SLC38A7: variants seen among roughly 807,000 people sequenced by gnomAD.
The protein encoded by SLC38A7 is sodium-coupled neutral amino acid transporter 7.
SLC38A7 carries 29 observed loss-of-function variants against 50.1 expected under a neutral mutation model. That is an observed-to-expected ratio of 0.58 (90% confidence interval 0.43 to 0.79). The LOEUF (loss-of-function observed/expected upper bound fraction) is 0.79. Ranked by LOEUF, SLC38A7 falls within the 30% of genes least tolerant of loss-of-function variation. The probability of loss-of-function intolerance (pLI) is 0.00; values close to 1 mark genes in which losing one functional copy is unlikely to be tolerated. For synonymous variants in SLC38A7, 244 were observed against 245.9 expected (o/e 0.99, Z 0.07); for missense variants, 483 against 610.6 (o/e 0.79, Z 2.20).
At chr16:58,671,496 G>T (rs1313788329) in intron 9 of SLC38A7, 2 of 573,082 alleles carry the variant, frequency 3.5e-6, no homozygotes, top group Admixed American at 3.0e-5. Flanking sequence ...AAAAGGAACT[G>T]TCTGGGGCAT....
intron 11 of SLC38A7, among the ~76,000 whole-genome samples, chr16:58,667,722 G>A (rs981831060): frequency 1.3e-5 from 2 of 152,022 alleles, no homozygotes; most frequent in African/African-American, 4.8e-5. Context: ...ATCATGCCAC[G>A]ATTCGAATGT....
In SLC38A7 at chr16:58,666,580, G is replaced by C. The variant is rs745714228; in HGVS notation, c.*805C>G. Reference sequence around the variant, plus strand: ...CCCACCCTGCGGCCTCTGAAAAGAGGGGCCCATCTCAGACACAAAAGCAGA... The same window carrying C: ...CCCACCCTGCGGCCTCTGAAAAGAGCGGCCCATCTCAGACACAAAAGCAGA... On this transcript the variant is annotated 3_prime_UTR_variant, in exon 12 of 12. Coordinates refer to ENST00000219320, the MANE Select transcript of SLC38A7 (RefSeq NM_018231.3). 1 of 152,848 alleles carries C rather than the reference G, an allele frequency of 6.5e-6. No homozygotes were observed. Among genetic ancestry groups the C allele is most frequent in the Non-Finnish European group, 1.5e-5 (1 of 68,262 alleles). The allele number at this position is 152,848 out of a possible 1,614,324, so 9.5% of individuals were successfully genotyped here. A position where few individuals can be genotyped will look rare whatever the true frequency, so the allele number is the denominator to read the frequency against.
intron 11 of SLC38A7, among the ~76,000 whole-genome samples, chr16:58,668,402 C>T (rs2044086281): frequency 6.6e-6 from 1 of 152,204 alleles, no homozygotes; most frequent in African/African-American, 2.4e-5. Context: ...TGGTGAAACC[C>T]CGTCTCTACC....
rs2044171629 is a variant in SLC38A7 at position 58,672,147 on chromosome 16, A to C, written c.980T>G (p.Phe327Cys). 6.4e-7 allele frequency: 1 copy of C among 1,563,562 alleles called. No individual in the cohort carries two copies. Among genetic ancestry groups the C allele is most frequent in the Non-Finnish European group, 8.7e-7 (1 of 1,154,022 alleles). The part of the protein sequence containing the change: ...EDMAVAVARA[F>C]IILSVLTSYP... ...GGAGGTGAGCACGCTCAGGATGATG[A>C]AGGCTCGGGCAACGGCCACGGCCAT... The change falls in exon 9 of 12, where the codon TTC (phenylalanine) becomes TGC (cysteine). Residue 327 changes from phenylalanine to cysteine, a missense_variant. By Grantham distance (205) the Phe-to-Cys change is radical (BLOSUM62 -2). Transcript: ENST00000219320.
Position 58,667,094 on chromosome 16 carries a change from C to T in SLC38A7, c.*291G>A, listed in dbSNP as rs1037338486. 1.6e-5 allele frequency: 8 copies of T among 502,596 alleles called. No individual in the cohort carries two copies. The highest frequency in any genetic ancestry group is 5.8e-5 in the African/African-American group (3 of 51,694). The allele number at this position is 502,596 out of a possible 1,614,324, so 31.1% of individuals were successfully genotyped here. A position where few individuals can be genotyped will look rare whatever the true frequency, so the allele number is the denominator to read the frequency against. On this transcript the variant is annotated 3_prime_UTR_variant, in exon 12 of 12. Transcript: ENST00000219320. ...ATGAGATCTACCGACTCTCTTCACCCGTGGATTCCAGGCATGGAGAAGTTG... is the reference window on the plus strand; with the variant it reads ...ATGAGATCTACCGACTCTCTTCACCTGTGGATTCCAGGCATGGAGAAGTTG...
Position 58,667,474 on chromosome 16 carries a change from C to A in SLC38A7, c.1300G>T (p.Val434Phe). 6.2e-7 allele frequency: 1 copy of A among 1,609,248 alleles called. No individual in the cohort carries two copies. The highest frequency in any genetic ancestry group is 8.5e-7 in the Non-Finnish European group (1 of 1,177,972). ...EVKPASWWVL[V>F]SYGVLLVTLG... ...GTGACCAAGAGGACTCCGTAGCTGA[C>A]CAGCACCCACCAGCTGTAGAACAGA... is the stretch of plus-strand genomic sequence containing the variant. Residue 434 changes from valine to phenylalanine, a missense_variant, in exon 12 of 12, where the codon GTC (valine) becomes TTC (phenylalanine). Physicochemically the swap from Val to Phe is conservative, Grantham distance 50 (BLOSUM62 -1). Transcript: ENST00000219320.
In SLC38A7 at chr16:58,676,304, G is replaced by A; in HGVS notation, c.753C>T (p.Ile251=). The A allele has an allele frequency of 6.2e-7, 1 of 1,614,198 alleles. No individual in the cohort carries two copies. Residue 251 remains isoleucine (I), a synonymous_variant, in exon 7 of 12, where the codon ATC becomes ATT. Transcript: ENST00000219320. ...GCACTGGCACCTGAAATCCGAAGCA[G>A]ATGGTGGGCATGGCATTGAACACAG... The part of the protein sequence containing the change: ...WMAVFNAMPT[I]CFGFQCHVSS...
chr16:58,667,279 C>T lies in SLC38A7; in HGVS notation c.*106G>A. ...TCCCTGGAAGAGGATGTCCGGATGT[C>T]ATCCCACCAGTTGGAATGATCGTGG... is the stretch of plus-strand genomic sequence containing the variant. On this transcript the variant is annotated 3_prime_UTR_variant, in exon 12 of 12. Transcript: ENST00000219320. The T allele has an allele frequency of 8.2e-7, 1 of 1,214,472 alleles. No individual in the cohort carries two copies. The highest frequency in any genetic ancestry group is 1.3e-5 in the South Asian group (1 of 78,154). The allele number at this position is 1,214,472 out of a possible 1,614,324, so 75.2% of individuals were successfully genotyped here.
chr16:58,667,769 G>A (rs1267937607), intron 11 of SLC38A7, among the ~76,000 whole-genome samples: 3 of 152,114 alleles, frequency 2.0e-5, no homozygotes, highest in African/African-American at 4.8e-5. Context: ...AAAAAAGCAC[G>A]TCACATGGAA....
Position 58,679,873 on chromosome 16 carries a change from C to G in SLC38A7, c.254G>C (p.Gly85Ala). The G allele has an allele frequency of 6.2e-7, 1 of 1,613,906 alleles. No homozygotes were observed. Among genetic ancestry groups the G allele is most frequent in the Non-Finnish European group, 8.5e-7 (1 of 1,179,994 alleles). The stretch of plus-strand genomic sequence containing the variant: ...TGCACTCACCATCTGCAGTGCGATG[C>G]CTGCTGCCACGCCCCCCGCAGTGCT... ...AFSTAGGVAA[G>A]IALQMGMLVF... The change falls in exon 3 of 12, where the codon GGC becomes GCC. Residue 85 changes from glycine to alanine, a missense_variant. Physicochemically the swap from Gly to Ala is moderately conservative, Grantham distance 60 (BLOSUM62 0). Coordinates refer to ENST00000219320, the MANE Select transcript of SLC38A7 (RefSeq NM_018231.3).
intron 6 of SLC38A7, among the ~76,000 whole-genome samples, chr16:58,676,951 G>GCC (rs1197599313): frequency 1.3e-5 from 2 of 149,618 alleles, no homozygotes; most frequent in African/African-American, 4.9e-5. Context: ...ATTGTGCCTG[G>GCC]CCCCCCCCCT....
intron 8 of SLC38A7, among the ~76,000 whole-genome samples, chr16:58,674,061 G>C (rs1393278010): frequency 6.6e-6 from 1 of 151,600 alleles, no homozygotes; most frequent in African/African-American, 2.4e-5. Context: ...CTGGCCTCAA[G>C]TGATTCACCC....
chr16:58,676,699 T>C (rs1454525490), intron 6 of SLC38A7, among the ~76,000 whole-genome samples: 1 of 152,202 alleles, frequency 6.6e-6, no homozygotes, highest in Non-Finnish European at 1.5e-5. Context: ...TCACCCAGGC[T>C]GGAGTGCAGT....
rs2044053809 is a variant in SLC38A7, at chr16:58,667,179, C to T, written c.*206G>A. 1.9e-6 allele frequency: 1 copy of T among 526,118 alleles called. No homozygotes were observed. The highest frequency in any genetic ancestry group is 3.4e-6 in the Non-Finnish European group (1 of 296,606). The allele number at this position is 526,118 out of a possible 1,614,324, so 32.6% of individuals were successfully genotyped here. A position where few individuals can be genotyped will look rare whatever the true frequency, so the allele number is the denominator to read the frequency against. On this transcript the variant is annotated 3_prime_UTR_variant, in exon 12 of 12. Coordinates refer to ENST00000219320, the MANE Select transcript of SLC38A7 (RefSeq NM_018231.3). ...TGAGACTTCCTGCCGCCATCCACGG[C>T]ACTGCCAGGACTGGGGAGCAGGAAG...
At position 58,678,617 on chromosome 16, in the gene SLC38A7, T is replaced by G; in HGVS notation, c.469+79A>C. The stretch of plus-strand genomic sequence containing the variant: ...GGCCCAGGTAAGTCCTGGAGAGGTG[T>G]TCAGTGCCTTTTCCCTCCACCCCAG... On this transcript the variant is annotated intron_variant, in intron 4 of 11. Coordinates refer to ENST00000219320, the MANE Select transcript of SLC38A7 (RefSeq NM_018231.3). This position sits in a 1 kb window ranked among gnomAD's most constrained non-coding sequence, Gnocchi z 4.0. The G allele has an allele frequency of 2.5e-6, 4 of 1,580,532 alleles. No homozygotes were observed.
intron 3 of SLC38A7, among the ~76,000 whole-genome samples, chr16:58,679,268 T>C (rs1314588918): frequency 6.6e-6 from 1 of 152,130 alleles, no homozygotes; most frequent in African/African-American, 2.4e-5. Context: ...GGTGGGTGCC[T>C]GTAATGCCAG....
chr16:58,667,496 C>T lies in SLC38A7; in HGVS notation c.1287-9G>A, dbSNP rs777819157. On this transcript the variant is annotated splice_polypyrimidine_tract_variant and intron_variant, in intron 11 of 11. Coordinates refer to ENST00000219320, the MANE Select transcript of SLC38A7 (RefSeq NM_018231.3). Reference sequence around the variant, plus strand: ...TGACCAGCACCCACCAGCTGTAGAACAGAGGGTGAGAGAGGTCTGATCAGT... The same window carrying T: ...TGACCAGCACCCACCAGCTGTAGAATAGAGGGTGAGAGAGGTCTGATCAGT... The T allele has an allele frequency of 5.0e-6, 8 of 1,600,752 alleles. No homozygotes were observed. The highest frequency in any genetic ancestry group is 4.3e-6 in the Non-Finnish European group (5 of 1,173,594).
At position 58,679,872 on chromosome 16, in the gene SLC38A7, G is replaced by T. The variant is rs373234920; in HGVS notation, c.255C>A (p.Gly85=). The change falls in exon 3 of 12, where the codon GGC becomes GGA. Residue 85 remains glycine (G), a synonymous_variant. Coordinates refer to ENST00000219320, the MANE Select transcript of SLC38A7 (RefSeq NM_018231.3). ...AFSTAGGVAA[G]IALQMGMLVF... Reference sequence around the variant, plus strand: ...GTGCACTCACCATCTGCAGTGCGATGCCTGCTGCCACGCCCCCCGCAGTGC... The same window carrying T: ...GTGCACTCACCATCTGCAGTGCGATTCCTGCTGCCACGCCCCCCGCAGTGC... 6.2e-7 allele frequency: 1 copy of T among 1,613,848 alleles called. No homozygotes were observed. Among genetic ancestry groups the T allele is most frequent in the African/African-American group, 1.3e-5 (1 of 75,054 alleles).
At chr16:58,676,962 T>C (rs1057388982) in intron 6 of SLC38A7, among the ~76,000 whole-genome samples, 2 of 151,002 alleles carry the variant, frequency 1.3e-5, no homozygotes, top group Admixed American at 6.6e-5. Flanking sequence ...CCCCCCCCCT[T>C]TTTTTTTAAT....
Sources: gnomAD v4.1 joint callset for allele counts (sites outside exome capture counted in the v4.1 genomes callset) on GRCh38, gnomAD v4.1.1 for gene constraint, Gnocchi (gnomAD v3.1) non-coding constraint, MANE v1.5 for transcripts, NCBI Gene and HGNC (gene_info 2026-07-23, HGNC 2026-07-21) for gene names.